The following SHB variants were observed in gnomAD, a reference collection of about 807,000 sequenced individuals.
SHB encodes the protein SH2 domain containing adaptor protein B.
In SHB, 20 loss-of-function variants were observed where a neutral mutation model predicts 52.3. That is an observed-to-expected ratio of 0.38 (90% CI 0.27 to 0.56). The LOEUF is 0.56. Among genes scored for constraint, SHB ranks in the 20% least tolerant of loss-of-function variants. The pLI is 0.71. For missense variants in SHB, 825 were observed against 723.3 expected (o/e 1.14, Z -1.61); for synonymous variants, 397 against 316.5 (o/e 1.25, Z -2.70).
chr9:38,004,227 A>G (rs968222640), intron 2 of SHB, among the ~76,000 whole-genome samples: 1 of 152,206 alleles, frequency 6.6e-6, no homozygotes, highest in Non-Finnish European at 1.5e-5. Flanking sequence ...ATGAGAGCAC[A>G]GGGCTTCAGT....
At chr9:38,054,258 C>A (rs990619352) in intron 1 of SHB, among the ~76,000 whole-genome samples, 5 of 152,234 alleles carry the variant, frequency 3.3e-5, no homozygotes, top group African/African-American at 1.2e-4. Flanking sequence ...ACCTTGTCAG[C>A]TAGCCCCCAC....
intron 4 of SHB, among the ~76,000 whole-genome samples, chr9:37,954,389 C>T (rs184010108): frequency 2.2e-4 from 34 of 152,246 alleles, no homozygotes; most frequent in African/African-American, 7.0e-4. Context: ...GGAAGGCTCA[C>T]GAACCATGTG....
At chr9:38,063,227 GTGGCTGTTCATCAAA>G (rs1418702614) in intron 1 of SHB, among the ~76,000 whole-genome samples, 3 of 152,224 alleles carry the variant, frequency 2.0e-5, no homozygotes, top group African/African-American at 7.2e-5. Flanking sequence ...ACTGGAGAGT[GTGGCTGTTCATCAAA>G]TGGGAATGAC....
rs372666591 is a variant in SHB, at chr9:37,935,817, A to G, written c.1346+12818T>C. ...ACTGAGCCAATTAAAGTACCCCCAA[A>G]TAACTGAGGCACAGAGAAGTTACAA... is the stretch of plus-strand genomic sequence containing the variant. On this transcript the variant is annotated intron_variant, in intron 5 of 5. Coordinates refer to ENST00000377707, the MANE Select transcript of SHB (RefSeq NM_003028.3). Among the ~76,000 whole-genome samples the G allele has an allele frequency of 1.5e-3, 225 of 152,164 alleles. 7 individuals are homozygous for G. The South Asian group carries it at 0.045, about 30-fold the overall frequency.
chr9:37,959,200 G>A (rs1196001691), intron 3 of SHB, among the ~76,000 whole-genome samples: 1 of 152,112 alleles, frequency 6.6e-6, no homozygotes, highest in African/African-American at 2.4e-5. Context: ...AGTGAGTCCG[G>A]GATAACTGCT....
intron 5 of SHB, among the ~76,000 whole-genome samples, chr9:37,928,172 C>G (rs1832272408): frequency 1.3e-5 from 2 of 152,198 alleles, no homozygotes; most frequent in African/African-American, 4.8e-5. Context: ...GCTGAGTTCT[C>G]AAGTCAGTGA....
At position 37,978,613 on chromosome 9, in the gene SHB, AAT is replaced by A. The variant is rs148574116; in HGVS notation, c.839-3778_839-3777del. Reference sequence around the variant, plus strand: ...CAGGCTTTTTAAACAAGTCTCCGTCAATATGAGCAGGGCCCCACAGGGAATTC... The same window carrying A: ...CAGGCTTTTTAAACAAGTCTCCGTCAATGAGCAGGGCCCCACAGGGAATTC... On this transcript the variant is annotated intron_variant, in intron 2 of 5. Transcript: ENST00000377707. Among the ~76,000 whole-genome samples the A allele has an allele frequency of 7.2e-3, 1,094 of 152,356 alleles. 18 individuals are homozygous for A. The highest frequency in any genetic ancestry group is 0.025 in the African/African-American group (1,040 of 41,574).
intron 2 of SHB, among the ~76,000 whole-genome samples, chr9:37,986,899 T>C (rs972196207): frequency 4.6e-5 from 7 of 152,216 alleles, no homozygotes; most frequent in African/African-American, 1.7e-4. Context: ...AGACCACAGC[T>C]GCACGAAGGG....
intron 2 of SHB, among the ~76,000 whole-genome samples, chr9:38,013,948 G>A (rs1821176368): frequency 6.6e-6 from 1 of 152,198 alleles, no homozygotes; most frequent in South Asian, 2.1e-4. Flanking sequence ...AACATAATGA[G>A]GCTTAATGAG....
chr9:37,944,741 T>C (rs1832473256), intron 5 of SHB, among the ~76,000 whole-genome samples: 1 of 152,040 alleles, frequency 6.6e-6, no homozygotes, highest in Non-Finnish European at 1.5e-5. Context: ...TGCACCTCCA[T>C]GGCTCTGCCT....
At chr9:37,956,519 T>C (rs981616951) in intron 3 of SHB, among the ~76,000 whole-genome samples, 1 of 152,168 alleles carries the variant, frequency 6.6e-6, no homozygotes, top group Admixed American at 6.5e-5. Flanking sequence ...GATACTCCTA[T>C]AGAGTGCCAC....
chr9:38,016,276 C>G (rs923185721), intron 1 of SHB, 145 bp from the exon 2 acceptor site: 1 of 739,630 alleles, frequency 1.4e-6, no homozygotes, highest in Admixed American at 2.6e-5. Flanking sequence ...ACTCAGGGAG[C>G]TCCACATCTC....
At chr9:38,034,225 TA>T (rs1821453934) in intron 1 of SHB, among the ~76,000 whole-genome samples, 1 of 152,198 alleles carries the variant, frequency 6.6e-6, no homozygotes, top group Admixed American at 6.5e-5. Flanking sequence ...AGAAATAATG[TA>T]ATAACTTGCC....
intron 5 of SHB, among the ~76,000 whole-genome samples, chr9:37,931,489 G>A (rs1832310427): frequency 6.6e-6 from 1 of 152,176 alleles, no homozygotes; most frequent in Non-Finnish European, 1.5e-5. Flanking sequence ...ATATGAAAAG[G>A]TGTTCAACAT....
rs997822366 is a variant in SHB at position 38,046,159 on chromosome 9, G to A, written c.717+21770C>T. 8.6e-5 allele frequency among the ~76,000 whole-genome samples: 13 copies of A among 151,696 alleles called. No homozygotes were observed. In the South Asian group the frequency reaches 1.5e-3, roughly 17 times the overall value. ...GGAGAATCGCTCAAAACCGGGAGGC[G>A]GAAGTTGCAGTGAGCCGAGATAAGA... is the stretch of plus-strand genomic sequence containing the variant. On this transcript the variant is annotated intron_variant, in intron 1 of 5. Coordinates refer to ENST00000377707, the MANE Select transcript of SHB (RefSeq NM_003028.3).
chr9:38,035,663 C>T (rs1396542109), intron 1 of SHB, among the ~76,000 whole-genome samples: 1 of 152,086 alleles, frequency 6.6e-6, no homozygotes, highest in Admixed American at 6.6e-5. Flanking sequence ...TCAGTGTCTA[C>T]CTTCCATGAG....
At position 37,955,909 on chromosome 9, in the gene SHB, A is replaced by T. The variant is rs1462972987; in HGVS notation, c.1200T>A (p.Asp400Glu). The T allele has an allele frequency of 6.2e-7, 1 of 1,613,904 alleles. No individual in the cohort carries two copies. The highest frequency in any genetic ancestry group is 1.7e-5 in the Admixed American group (1 of 60,000). The change falls in exon 4 of 6, where the codon GAT (aspartate) becomes GAA (glutamate). Residue 400 changes from aspartate to glutamate, a missense_variant. By Grantham distance (45) the Asp-to-Glu change is conservative. Transcript: ENST00000377707. Reference sequence around the variant, plus strand: ...TTTGCTTCTCCAGGGGGACGGCAGGATCCACCCTTTCTCCTAGGATCCCGC... The same window carrying T: ...TTTGCTTCTCCAGGGGGACGGCAGGTTCCACCCTTTCTCCTAGGATCCCGC... ...EFCGILGERV[D>E]PAVPLEKQIW...
chr9:37,928,037 C>T (rs977617484), intron 5 of SHB, among the ~76,000 whole-genome samples: 1 of 152,210 alleles, frequency 6.6e-6, no homozygotes. Context: ...ACTCTTCAGC[C>T]CTGGGCGCTT....
chr9:37,917,639 C>T lies in SHB; in HGVS notation c.*2182G>A, dbSNP rs1420556069. ...TGGGGTCCAGGCTCCTCTGTTTGGC[C>T]AAGTGCCAACTCCTCACTCATCTTG... On this transcript the variant is annotated 3_prime_UTR_variant, in exon 6 of 6. Transcript: ENST00000377707. 2.0e-5 allele frequency among the ~76,000 whole-genome samples: 3 copies of T among 152,224 alleles called. No homozygotes were observed. The highest frequency in any genetic ancestry group is 4.4e-5 in the Non-Finnish European group (3 of 68,034).
Sources: allele counts gnomAD v4.1 joint callset (sites outside exome capture counted in the v4.1 genomes callset), GRCh38; gene constraint gnomAD v4.1.1; transcripts MANE v1.5; gene names NCBI Gene and HGNC (gene_info 2026-07-23, HGNC 2026-07-21).